ARB2A: variants seen among roughly 807,000 people sequenced by gnomAD.
ARB2A encodes ARB2 cotranscriptional regulator A.
chr5:93,944,203 C>A, the ARB2A span, among the ~76,000 whole-genome samples: 1 of 152,100 alleles, frequency 6.6e-6, no homozygotes, highest in Non-Finnish European at 1.5e-5. Context: ...AACTACCTGT[C>A]ACCGGAACGG....
chr5:93,726,972 T>C, the ARB2A span, among the ~76,000 whole-genome samples: 1 of 152,058 alleles, frequency 6.6e-6, no homozygotes, highest in Admixed American at 6.6e-5. Flanking sequence ...AATCCAAAGT[T>C]ATTCATATTC....
chr5:93,864,970 A>G, the ARB2A span, among the ~76,000 whole-genome samples: 1 of 152,202 alleles, frequency 6.6e-6, no homozygotes, highest in Non-Finnish European at 1.5e-5. Context: ...TATTTTATAA[A>G]TAGTACTCAG....
At chr5:93,902,672 G>GCC in the ARB2A span, among the ~76,000 whole-genome samples, 2 of 152,080 alleles carry the variant, frequency 1.3e-5, no homozygotes, top group Non-Finnish European at 2.9e-5. Context: ...GATTAGTTAA[G>GCC]AGTATCAGAT....
the ARB2A span, among the ~76,000 whole-genome samples, chr5:94,025,007 T>A: frequency 6.6e-6 from 1 of 152,228 alleles, no homozygotes; most frequent in Admixed American, 6.5e-5. Flanking sequence ...AGTTTGAATT[T>A]CACTTTGCAG....
the ARB2A span, among the ~76,000 whole-genome samples, chr5:94,026,283 C>T: frequency 1.3e-5 from 2 of 152,044 alleles, no homozygotes; most frequent in African/African-American, 4.8e-5. Flanking sequence ...GGTGGCTGCC[C>T]TCTGCTGGCA....
the ARB2A span, among the ~76,000 whole-genome samples, chr5:93,656,683 A>C: frequency 7.2e-5 from 11 of 152,334 alleles, no homozygotes; most frequent in Admixed American, 7.2e-4. Context: ...CAAAAAAGCA[A>C]CACTCCACAC....
chr5:93,677,918 C>T, the ARB2A span, among the ~76,000 whole-genome samples: 47 of 152,136 alleles, frequency 3.1e-4, no homozygotes, highest in Non-Finnish European at 4.0e-4. Flanking sequence ...ACTGTGTAGC[C>T]GAATGTTTAT....
chr5:93,854,295 G>A, the ARB2A span, among the ~76,000 whole-genome samples: 4 of 152,228 alleles, frequency 2.6e-5, no homozygotes, highest in South Asian at 8.3e-4. Flanking sequence ...TGTGGGATTG[G>A]TGGTGGCATC....
At chr5:94,034,495 C>A in the ARB2A span, among the ~76,000 whole-genome samples, 2 of 152,100 alleles carry the variant, frequency 1.3e-5, no homozygotes, top group African/African-American at 4.8e-5. Context: ...TTAATTCTTT[C>A]CCTCTGGTTA....
At chr5:93,798,280 C>A in the ARB2A span, among the ~76,000 whole-genome samples, 8 of 152,180 alleles carry the variant, frequency 5.3e-5, no homozygotes, top group Admixed American at 4.6e-4. Flanking sequence ...CTGTCTCTTC[C>A]CACACAACCA....
At chr5:94,013,081 C>T in the ARB2A span, among the ~76,000 whole-genome samples, 1 of 151,872 alleles carries the variant, frequency 6.6e-6, no homozygotes, top group Non-Finnish European at 1.5e-5. Flanking sequence ...CACAAGCAAA[C>T]TCGTTTTGCA....
the ARB2A span, among the ~76,000 whole-genome samples, chr5:93,858,496 C>G: frequency 6.6e-6 from 1 of 152,314 alleles, no homozygotes; most frequent in African/African-American, 2.4e-5. Flanking sequence ...TCATTACAAT[C>G]CAATGGAGTA....
chr5:93,865,558 TAA>T, the ARB2A span: 1 of 985,300 alleles, frequency 1.0e-6, no homozygotes, highest in African/African-American at 1.7e-5. Flanking sequence ...TTGAAAGTAC[TAA>T]AAGAAGTTTT....
chr5:94,098,273 A>C, the ARB2A span, among the ~76,000 whole-genome samples: 30 of 152,318 alleles, frequency 2.0e-4, no homozygotes, highest in African/African-American at 5.3e-4. Context: ...GCAACTCAAA[A>C]AGTCAGAGTG....
the ARB2A span, among the ~76,000 whole-genome samples, chr5:93,765,299 T>C: frequency 8.3e-4 from 127 of 152,292 alleles, no homozygotes; most frequent in South Asian, 2.1e-3. Flanking sequence ...GAAAACCCCA[T>C]TGTCTCAGCC....
chr5:93,951,719 AC>A, the ARB2A span, among the ~76,000 whole-genome samples: 1 of 152,176 alleles, frequency 6.6e-6, no homozygotes, highest in Non-Finnish European at 1.5e-5. Context: ...TATTTTGGTT[AC>A]TATAGCTCTA....
At chr5:93,678,319 A>G in the ARB2A span, among the ~76,000 whole-genome samples, 1 of 152,236 alleles carries the variant, frequency 6.6e-6, no homozygotes, top group Non-Finnish European at 1.5e-5. Flanking sequence ...TTCCATCAGA[A>G]GAGATATATA....
chr5:93,620,452 G>A, the ARB2A span: 3 of 150,494 alleles, frequency 2.0e-5, no homozygotes, highest in Non-Finnish European at 2.9e-5. Flanking sequence ...AATCGGCTTT[G>A]GAGTGTGTGT....
chr5:94,106,492 T>G, the ARB2A span, among the ~76,000 whole-genome samples: 2 of 152,204 alleles, frequency 1.3e-5, no homozygotes, highest in Admixed American at 6.5e-5. Flanking sequence ...CTGATGAGGT[T>G]GTGGAGAAAA....
Sources: gnomAD v4.1 joint callset for allele counts (sites outside exome capture counted in the v4.1 genomes callset) on GRCh38, gnomAD v4.1.1 for gene constraint, MANE v1.5 for transcripts, NCBI Gene and HGNC (gene_info 2026-07-23, HGNC 2026-07-21) for gene names.